The following EYS variants were observed in gnomAD, a reference collection of about 807,000 sequenced individuals.
EYS encodes protein eyes shut homolog.
A neutral mutation model predicts 282.1 loss-of-function variants in EYS; 250 were observed. The observed-to-expected ratio is 0.89, with a 90% CI of 0.80 to 0.98. EYS has a LOEUF of 0.98. EYS is among the 50% of genes least tolerant of loss of function. The probability of loss-of-function intolerance (pLI) is 0.00; values close to 1 mark genes in which losing one functional copy is unlikely to be tolerated. For synonymous variants in EYS, 1,355 were observed against 1,282.9 expected, an observed-to-expected ratio of 1.06 and a Z score of -1.20; for missense variants, 4,016 against 3,709.0, an observed-to-expected ratio of 1.08 and a Z score of -2.15.
At chr6:64,162,819 A>G (rs1193650076) in intron 31 of EYS, among the ~76,000 whole-genome samples, 1 of 152,176 alleles carries the variant, frequency 6.6e-6, no homozygotes, top group Non-Finnish European at 1.5e-5. Context: ...TTATGCTACT[A>G]AATTAATAAT....
intron 22 of EYS, among the ~76,000 whole-genome samples, chr6:64,807,263 T>C (rs1764460449): frequency 6.6e-6 from 1 of 152,110 alleles, no homozygotes; most frequent in African/African-American, 2.4e-5. Flanking sequence ...ATATTTCAAA[T>C]AAAATATACT....
At chr6:64,690,194 A>G (rs1770324526) in intron 22 of EYS, among the ~76,000 whole-genome samples, 1 of 152,128 alleles carries the variant, frequency 6.6e-6, no homozygotes, top group Non-Finnish European at 1.5e-5. Context: ...TCTCGAAAGA[A>G]GACATTTATG....
At chr6:64,354,188 C>T (rs950334547) in intron 29 of EYS, among the ~76,000 whole-genome samples, 2 of 151,580 alleles carry the variant, frequency 1.3e-5, no homozygotes, top group Non-Finnish European at 3.0e-5. Flanking sequence ...TTTGAGCAAA[C>T]TTTGGCAGAG....
intron 14 of EYS, among the ~76,000 whole-genome samples, chr6:64,953,773 A>G (rs1769593470): frequency 6.6e-6 from 1 of 151,914 alleles, no homozygotes; most frequent in Admixed American, 6.6e-5. Context: ...AGGCAAAGAA[A>G]ATACACTTTA....
intron 29 of EYS, among the ~76,000 whole-genome samples, chr6:64,316,418 T>G (rs1432843819): frequency 2.6e-5 from 4 of 151,754 alleles, no homozygotes; most frequent in Non-Finnish European, 5.9e-5. Context: ...TCCTATACAC[T>G]AATAACAGAC....
At chr6:64,570,661 C>T (rs777691623) in intron 26 of EYS, among the ~76,000 whole-genome samples, 14 of 151,890 alleles carry the variant, frequency 9.2e-5, no homozygotes, top group Admixed American at 2.6e-4. Context: ...GACTTTAAAC[C>T]AACAAAGATC....
chr6:65,517,226 C>G (rs1196376123), intron 2 of EYS, among the ~76,000 whole-genome samples: 1 of 151,450 alleles, frequency 6.6e-6, no homozygotes, highest in Admixed American at 6.6e-5. Context: ...CATTATAAAC[C>G]TAGGATATAT....
chr6:65,637,626 T>TG (rs376630844), intron 2 of EYS, among the ~76,000 whole-genome samples: 359 of 152,334 alleles, frequency 2.4e-3, no homozygotes, highest in African/African-American at 8.2e-3. Flanking sequence ...TGAAAGTACC[T>TG]GCTCCTGCTC....
intron 2 of EYS, among the ~76,000 whole-genome samples, chr6:65,633,585 G>A (rs1397139786): frequency 6.6e-6 from 1 of 152,190 alleles, no homozygotes; most frequent in Non-Finnish European, 1.5e-5. Context: ...ATTAAGTGGT[G>A]AAGCTGTCCA....
intron 14 of EYS, among the ~76,000 whole-genome samples, chr6:64,967,014 A>AT (rs965068943): frequency 6.6e-6 from 1 of 152,168 alleles, no homozygotes; most frequent in Non-Finnish European, 1.5e-5. Flanking sequence ...ATTCCATTGC[A>AT]TTCTTAAATT....
Position 63,793,311 on chromosome 6 carries a change from C to G in EYS, c.7412-4087G>C, listed in dbSNP as rs1239356235. Among the ~76,000 whole-genome samples, 3 of 152,068 alleles carry G rather than the reference C, an allele frequency of 2.0e-5. 1 individual carries two copies. Among genetic ancestry groups the G allele is most frequent in the African/African-American group, 2.4e-5 (1 of 41,384 alleles). ...CACTCCTACCTTACTCATCAGTAGCCAAAGGTCGAGAGTGTTGATAGAATG... is the reference window on the plus strand; with the variant it reads ...CACTCCTACCTTACTCATCAGTAGCGAAAGGTCGAGAGTGTTGATAGAATG... On this transcript the variant is annotated intron_variant, in intron 37 of 42. Coordinates refer to ENST00000503581, the MANE Select transcript of EYS (RefSeq NM_001142800.2).
At chr6:65,272,386 T>C (rs547277753) in intron 12 of EYS, among the ~76,000 whole-genome samples, 1 of 152,264 alleles carries the variant, frequency 6.6e-6, no homozygotes, top group Admixed American at 6.5e-5. Context: ...GGGGCTCATT[T>C]CATTCAGCCT....
rs116234057 is a variant in EYS at position 64,799,666 on chromosome 6, A to G, written c.3443+13712T>C. 7.5e-3 allele frequency among the ~76,000 whole-genome samples: 1,126 copies of G among 149,828 alleles called. 14 individuals are homozygous for G. Among genetic ancestry groups the G allele is most frequent in the African/African-American group, 0.025 (1,036 of 41,152 alleles). ...TATATGATATATATTATATCTATCT[A>G]TAATATATATAAGTACATATATAAT... On this transcript the variant is annotated intron_variant, in intron 22 of 42. Coordinates refer to ENST00000503581, the MANE Select transcript of EYS (RefSeq NM_001142800.2).
intron 29 of EYS, among the ~76,000 whole-genome samples, chr6:64,375,455 A>G (rs1379767491): frequency 6.6e-6 from 1 of 152,236 alleles, no homozygotes; most frequent in Non-Finnish European, 1.5e-5. Context: ...AAAGGGTGGT[A>G]ATAACTATTT....
intron 8 of EYS, among the ~76,000 whole-genome samples, chr6:65,358,367 C>T (rs746672342): frequency 6.6e-5 from 10 of 151,754 alleles, no homozygotes; most frequent in Non-Finnish European, 1.3e-4. Flanking sequence ...TATGGTATGG[C>T]GAATTTAAGG....
At chr6:64,145,818 T>TGCTTTAGG (rs1409120751) in intron 31 of EYS, among the ~76,000 whole-genome samples, 15 of 152,266 alleles carry the variant, frequency 9.9e-5, no homozygotes, top group African/African-American at 3.4e-4. Context: ...CTTCCAGTCT[T>TGCTTTAGG]GCTGTCATCC....
At chr6:64,107,289 A>ATATT (rs1554208114) in intron 31 of EYS, among the ~76,000 whole-genome samples, 2 of 104,212 alleles carry the variant, frequency 1.9e-5, no homozygotes, top group African/African-American at 9.9e-5. Context: ...ATATATTTAT[A>ATATT]TATATATATA....
chr6:65,122,894 C>A (rs1196378819), intron 12 of EYS, among the ~76,000 whole-genome samples: 1 of 151,950 alleles, frequency 6.6e-6, no homozygotes, highest in African/African-American at 2.4e-5. Context: ...CAGTGCCTGG[C>A]ATAGATATAC....
chr6:64,452,241 G>C (rs572468776), intron 26 of EYS, among the ~76,000 whole-genome samples: 1 of 152,156 alleles, frequency 6.6e-6, no homozygotes, highest in African/African-American at 2.4e-5. Flanking sequence ...CAAATCATGA[G>C]TGAACTCCCA....
Sources: gnomAD v4.1 joint callset for allele counts (sites outside exome capture counted in the v4.1 genomes callset) on GRCh38, gnomAD v4.1.1 for gene constraint, MANE v1.5 for transcripts, NCBI Gene and HGNC (gene_info 2026-07-23, HGNC 2026-07-21) for gene names.